Variants in MESP1 observed in about 807,000 individuals in gnomAD.
MESP1 encodes mesoderm posterior bHLH transcription factor 1.
A neutral mutation model predicts 15.2 loss-of-function variants in MESP1; 22 were observed. The observed-to-expected ratio is 1.45, with a 90% CI of 1.04 to 2.07. The LOEUF (loss-of-function observed/expected upper bound fraction) is 2.07. Among genes scored for constraint, MESP1 ranks in the 30% most tolerant of loss-of-function variants. The probability of loss-of-function intolerance (pLI) is 0.00; values close to 1 mark genes in which losing one functional copy is unlikely to be tolerated. For missense variants in MESP1, 484 were observed against 411.9 expected (o/e 1.17, Z -1.51); for synonymous variants, 216 against 192.6 (o/e 1.12, Z -1.01).
At chr15:89,737,473 A>G in the MESP1 span, 2 of 1,479,474 alleles carry the variant, frequency 1.4e-6, no homozygotes, top group Non-Finnish European at 1.8e-6. Flanking sequence ...TTTTATGTCC[A>G]GCTGCTTCTC....
chr15:89,743,327 AGGAGCACT>A, the MESP1 span: 1 of 1,614,174 alleles, frequency 6.2e-7, no homozygotes, highest in East Asian at 2.2e-5. Context: ...GAGAAGGAGG[AGGAGCACT>A]GGGCCCGGCT....
At chr15:89,733,144 T>C in the MESP1 span, 2 of 1,614,212 alleles carry the variant, frequency 1.2e-6, no homozygotes, top group Non-Finnish European at 1.7e-6. Context: ...TGTGTGGTGC[T>C]GTGCACAGAC....
chr15:89,737,509 C>A, the MESP1 span: 1 of 1,601,830 alleles, frequency 6.2e-7, no homozygotes, highest in Non-Finnish European at 8.5e-7. Flanking sequence ...GTGACCTCTA[C>A]ACGACCTTCC....
At chr15:89,735,168 A>G in the MESP1 span, among the ~76,000 whole-genome samples, 1 of 152,146 alleles carries the variant, frequency 6.6e-6, no homozygotes, top group African/African-American at 2.4e-5. Flanking sequence ...CACTGCACCC[A>G]GCCTCCAACT....
rs574920478 is a variant in MESP1 at position 89,750,706 on chromosome 15, T to A, written c.526A>T (p.Thr176Ser). ...CPDDCPAQMQTRTQAEGQGQG... is the reference protein window; with the variant it reads ...CPDDCPAQMQSRTQAEGQGQG... ...CCCTGCCCCTCAGCCTGCGTCCGTG[T>A]CTGCATCTGCGCGGGGCAGTCGTCG... The change falls in exon 1 of 2, where the codon ACA becomes TCA. Residue 176 changes from threonine to serine, a missense_variant. Thr to Ser is a moderately conservative substitution (Grantham distance 58). Transcript: ENST00000300057. 297 of 1,381,292 alleles carry A rather than the reference T, an allele frequency of 2.2e-4. 2 individuals are homozygous for A. In the East Asian group the frequency reaches 6.5e-3, roughly 30 times the overall value. The allele number at this position is 1,381,292 out of a possible 1,614,324, so 85.6% of individuals were successfully genotyped here.
At chr15:89,737,955 A>G in the MESP1 span, 3 of 1,441,166 alleles carry the variant, frequency 2.1e-6, no homozygotes, top group Non-Finnish European at 2.8e-6. Flanking sequence ...ATAAGCAGAG[A>G]GCAGCCCCCA....
the MESP1 span, among the ~76,000 whole-genome samples, chr15:89,740,842 TA>T: frequency 1.3e-5 from 2 of 152,022 alleles, no homozygotes; most frequent in African/African-American, 4.8e-5. Flanking sequence ...ATTACTTTTT[TA>T]AAAAGTGTTA....
chr15:89,737,076 C>G, the MESP1 span, among the ~76,000 whole-genome samples: 1 of 152,192 alleles, frequency 6.6e-6, no homozygotes, highest in Non-Finnish European at 1.5e-5. Context: ...CAGGCATGAG[C>G]CATCGCGCCC....
At chr15:89,743,208 C>A in the MESP1 span, 2 of 1,337,916 alleles carry the variant, frequency 1.5e-6, no homozygotes, top group Non-Finnish European at 2.1e-6. Flanking sequence ...CATAGGAGCA[C>A]AGGGTAGTCG....
chr15:89,738,313 T>A, the MESP1 span: 1 of 1,457,564 alleles, frequency 6.9e-7, no homozygotes, highest in African/African-American at 1.4e-5. Flanking sequence ...GTTTCTTTCA[T>A]GGTAAATCCT....
In MESP1 at chr15:89,751,003, T is replaced by G; in HGVS notation, c.229A>C (p.Ser77Arg). The change falls in exon 1 of 2, where the codon AGC (serine) becomes CGC (arginine). Residue 77 changes from serine to arginine, a missense_variant. Ser to Arg is a moderately radical substitution (Grantham distance 110). Coordinates refer to ENST00000300057, the MANE Select transcript of MESP1 (RefSeq NM_018670.4). ...PSVGRRGARS[S>R]RLGSGQRQSA... ...TGCCTCTGCCCGCTGCCCAGGCGGCTGCTGCGCGCGCCGCGCCTACCTACG... is the reference window on the plus strand; with the variant it reads ...TGCCTCTGCCCGCTGCCCAGGCGGCGGCTGCGCGCGCCGCGCCTACCTACG... 1.5e-6 allele frequency: 2 copies of G among 1,369,806 alleles called. No individual in the cohort carries two copies. Among genetic ancestry groups the G allele is most frequent in the Non-Finnish European group, 1.9e-6 (2 of 1,068,918 alleles). 84.9% of individuals were successfully genotyped at this position (1,369,806 alleles called of 1,614,324 possible). A position where few individuals can be genotyped will look rare whatever the true frequency, so the allele number is the denominator to read the frequency against.
At chr15:89,738,956 AAC>A in the MESP1 span, among the ~76,000 whole-genome samples, 1 of 151,982 alleles carries the variant, frequency 6.6e-6, no homozygotes, top group Non-Finnish European at 1.5e-5. Flanking sequence ...CTCTACAAAA[AAC>A]ACAAAATTAG....
At chr15:89,735,469 T>A in the MESP1 span, 17 of 1,612,776 alleles carry the variant, frequency 1.1e-5, no homozygotes, top group Non-Finnish European at 1.4e-5. Flanking sequence ...GGAGAATGTC[T>A]GTATATTTTC....
At chr15:89,739,578 T>C in the MESP1 span, among the ~76,000 whole-genome samples, 6 of 152,168 alleles carry the variant, frequency 3.9e-5, no homozygotes. Context: ...CATCTCACAA[T>C]AAATTTCTGG....
the MESP1 span, chr15:89,735,490 G>A: frequency 1.2e-6 from 2 of 1,614,012 alleles, no homozygotes; most frequent in African/African-American, 1.3e-5. Context: ...TGTCCTATAG[G>A]CCTGTAAAGC....
At chr15:89,737,206 C>T in the MESP1 span, among the ~76,000 whole-genome samples, 1 of 152,150 alleles carries the variant, frequency 6.6e-6, no homozygotes, top group Non-Finnish European at 1.5e-5. Flanking sequence ...TTAGATTGAG[C>T]AAGGTCCCTG....
At chr15:89,746,953 AGCCCCGCTGCCACACACACGTG>A (rs1967976425), downstream of MESP1, among the ~76,000 whole-genome samples, 1 of 139,236 alleles carries the variant, frequency 7.2e-6, no homozygotes, top group Non-Finnish European at 1.5e-5. Flanking sequence ...ACACACACAC[AGCCCCGCTGCCACACACACGTG>A]CACACAGAGC....
the MESP1 span, chr15:89,733,262 T>G: frequency 1.3e-6 from 2 of 1,566,664 alleles, no homozygotes; most frequent in Non-Finnish European, 1.7e-6. Context: ...ATTGGCCAGA[T>G]TATTTTAATT....
the MESP1 span, chr15:89,733,067 A>G: frequency 1.2e-6 from 2 of 1,614,198 alleles, no homozygotes; most frequent in Middle Eastern, 1.6e-4. Flanking sequence ...TTCACTTCCT[A>G]AAATATTTCT....
Sources: allele counts gnomAD v4.1 joint callset (sites outside exome capture counted in the v4.1 genomes callset), GRCh38; gene constraint gnomAD v4.1.1; transcripts MANE v1.5; gene names NCBI Gene and HGNC (gene_info 2026-07-23, HGNC 2026-07-21).